The following LOXHD1 variants were observed in gnomAD, a reference collection of about 807,000 sequenced individuals.
LOXHD1 encodes the protein lipoxygenase homology PLAT domains 1.
A neutral mutation model predicts 248.2 loss-of-function variants in LOXHD1; 205 were observed. That is an observed-to-expected ratio of 0.83 (90% confidence interval 0.74 to 0.93). LOXHD1 has a LOEUF of 0.93. LOXHD1 is among the 40% of genes least tolerant of loss of function. The pLI, the probability that LOXHD1 is intolerant of heterozygous loss-of-function variation, is 0.00. For synonymous variants in LOXHD1, 1,113 were observed against 1,162.8 expected, an observed-to-expected ratio of 0.96 and a Z score of 0.87; for missense variants, 2,930 against 2,971.6, an observed-to-expected ratio of 0.99 and a Z score of 0.33.
At chr18:46,656,246 G>T (rs1399996936) in intron 1 of LOXHD1, among the ~76,000 whole-genome samples, 1 of 152,098 alleles carries the variant, frequency 6.6e-6, no homozygotes, top group East Asian at 1.9e-4. Context: ...ATTTCAAAAC[G>T]CTGGAAAGGA....
intron 38 of LOXHD1, among the ~76,000 whole-genome samples, chr18:46,486,219 C>A (rs1180204868): frequency 1.3e-5 from 2 of 152,106 alleles, no homozygotes; most frequent in Non-Finnish European, 2.9e-5. Context: ...CAGACATAGA[C>A]CCCTTGCTGC....
At chr18:46,646,213 G>A (rs2039027893) in intron 2 of LOXHD1, among the ~76,000 whole-genome samples, 1 of 152,148 alleles carries the variant, frequency 6.6e-6, no homozygotes, top group African/African-American at 2.4e-5. Context: ...GGAGACTGTG[G>A]GACCAGTGGA....
intron 32 of LOXHD1, 129 bp from the exon 33 acceptor site, chr18:46,521,411 G>A: frequency 9.9e-7 from 1 of 1,012,984 alleles, no homozygotes; most frequent in Non-Finnish European, 1.5e-6. Flanking sequence ...TCCCTCCCAT[G>A]AAGGTGAAGA....
chr18:46,564,113 TGTGTGC>T (rs1311146069), intron 17 of LOXHD1, among the ~76,000 whole-genome samples: 3 of 151,468 alleles, frequency 2.0e-5, no homozygotes, highest in Non-Finnish European at 4.4e-5. Context: ...TGTGTGTGTG[TGTGTGC>T]ACGCACACAC....
intron 20 of LOXHD1, chr18:46,557,803 G>T: frequency 8.2e-7 from 1 of 1,220,744 alleles, no homozygotes; most frequent in Non-Finnish European, 1.1e-6. Context: ...CATCTGTGGT[G>T]GGTGTTTTGT....
intron 2 of LOXHD1, 103 bp downstream of exon 2, chr18:46,649,052 C>T: frequency 1.1e-6 from 1 of 903,460 alleles, no homozygotes. Flanking sequence ...AACCTGTGGT[C>T]AGATGTGCCT....
intron 19 of LOXHD1, 45 bp from the exon 20 acceptor site, chr18:46,559,647 G>A: frequency 6.5e-7 from 1 of 1,542,368 alleles, no homozygotes; most frequent in Non-Finnish European, 8.8e-7. Context: ...CATGGCCATG[G>A]GGTGTTTGGA....
intron 4 of LOXHD1, among the ~76,000 whole-genome samples, chr18:46,625,272 C>T (rs779242572): frequency 9.8e-5 from 15 of 152,326 alleles, no homozygotes; most frequent in Middle Eastern, 6.8e-3. Flanking sequence ...TAGCAACTAA[C>T]GTGCTCAAAC....
chr18:46,642,722 G>A (rs1331716628), intron 2 of LOXHD1, among the ~76,000 whole-genome samples: 2 of 152,228 alleles, frequency 1.3e-5, no homozygotes, highest in Non-Finnish European at 2.9e-5. Context: ...AGTGAGCATA[G>A]ACACAGGAGG....
intron 4 of LOXHD1, among the ~76,000 whole-genome samples, chr18:46,620,429 A>C (rs1002457494): frequency 6.6e-6 from 1 of 152,220 alleles, no homozygotes; most frequent in Non-Finnish European, 1.5e-5. Context: ...GAAACTGCAC[A>C]CAGTGAAGCA....
intron 5 of LOXHD1, among the ~76,000 whole-genome samples, chr18:46,615,997 G>A (rs2038581175): frequency 6.6e-6 from 1 of 152,062 alleles, no homozygotes; most frequent in African/African-American, 2.4e-5. Flanking sequence ...TATTAATATA[G>A]CTATGCCAGA....
At chr18:46,572,528 A>T (rs1302779581) in intron 14 of LOXHD1, among the ~76,000 whole-genome samples, 1 of 152,240 alleles carries the variant, frequency 6.6e-6, no homozygotes, top group African/African-American at 2.4e-5. Context: ...GATGGGATGC[A>T]GTGAACAACA....
At position 46,560,533 on chromosome 18, in the gene LOXHD1, C is replaced by G; in HGVS notation, c.2611G>C (p.Asp871His). The G allele has an allele frequency of 1.3e-6, 2 of 1,530,816 alleles. No homozygotes were observed. The highest frequency in any genetic ancestry group is 8.7e-7 in the Non-Finnish European group (1 of 1,142,932). 94.8% of individuals were successfully genotyped at this position (1,530,816 alleles called of 1,614,324 possible). ...CGGAGCTTATAGACCTCGCCCACGT[C>G]GGCCGCCTCAAGCTGTTCAAAGGGC... ...SKDTFQLEAA[D>H]VGEVYKLRLG... Residue 871 changes from aspartate (D) to histidine (H), a missense_variant, in exon 19 of 41, where the codon GAC (aspartate) becomes CAC (histidine). Asp to His is a moderately conservative substitution (Grantham distance 81, BLOSUM62 -1). Transcript: ENST00000642948.
chr18:46,610,471 G>C (rs929536138), intron 6 of LOXHD1, among the ~76,000 whole-genome samples: 1 of 152,064 alleles, frequency 6.6e-6, no homozygotes, highest in Non-Finnish European at 1.5e-5. Flanking sequence ...GATGGGTGCA[G>C]CAAACCAACA....
At chr18:46,512,758 C>T (rs907398911) in intron 34 of LOXHD1, among the ~76,000 whole-genome samples, 1 of 152,178 alleles carries the variant, frequency 6.6e-6, no homozygotes, top group Admixed American at 6.5e-5. Context: ...AACATCTGAC[C>T]AATCTCAGTG....
In LOXHD1 at chr18:46,559,570, T is replaced by G; in HGVS notation, c.3094A>C (p.Asn1032His). ...NTYEVQVVTG[N>H]VPKAGTDANV... ...GCATCAGTGCCGGCCTTGGGCACAT[T>G]CCCCGTGACCACCTGAACCTCATAG... is the stretch of plus-strand genomic sequence containing the variant. The change falls in exon 20 of 41, where the codon AAT (asparagine) becomes CAT (histidine). Residue 1032 changes from asparagine (N) to histidine (H), a missense_variant. Transcript: ENST00000642948. 1 of 1,551,804 alleles carries G rather than the reference T, an allele frequency of 6.4e-7. No homozygotes were observed. Among genetic ancestry groups the G allele is most frequent in the South Asian group, 1.2e-5 (1 of 84,062 alleles).
At chr18:46,627,872 A>T (rs1465311477) in intron 4 of LOXHD1, among the ~76,000 whole-genome samples, 3 of 152,012 alleles carry the variant, frequency 2.0e-5, no homozygotes, top group Non-Finnish European at 4.4e-5. Flanking sequence ...GCCATACCCC[A>T]CTTAGAATAT....
chr18:46,542,777 G>T lies in LOXHD1; in HGVS notation c.3698C>A (p.Thr1233Lys). ...TTTCCACAGGTCTCCCAGATCCAGC[G>T]TCTCCACCGTGAAGATTTCAATGCT... ...RDSIEIFTVE[T>K]LDLGDLWKVR... Residue 1233 changes from threonine to lysine, a missense_variant, in exon 24 of 41, where the codon ACG becomes AAG. Thr to Lys is a moderately conservative substitution (Grantham distance 78). Transcript: ENST00000642948. The T allele has an allele frequency of 1.3e-6, 2 of 1,551,644 alleles. No individual in the cohort carries two copies. Among genetic ancestry groups the T allele is most frequent in the Non-Finnish European group, 1.7e-6 (2 of 1,146,994 alleles).
rs981356695 is a variant in LOXHD1, at chr18:46,524,825, G to A, written c.4623C>T (p.Tyr1541=). Residue 1541 remains tyrosine, a synonymous_variant, in exon 30 of 41, where the codon TAC becomes TAT. Coordinates refer to ENST00000642948, the MANE Select transcript of LOXHD1 (RefSeq NM_001384474.1). The part of the protein sequence containing the change: ...HDNSKWCADW[Y]VEKVEIWNDT... ...CATTCCAGATCTCCACCTTCTCCAC[G>A]TACCAGTCTGCGCACCACTTGGAGT... 21 of 1,551,652 alleles carry A rather than the reference G, an allele frequency of 1.4e-5. No individual in the cohort carries two copies. The Admixed American group carries it at 1.8e-4, about 13-fold the overall frequency.
Sources: gnomAD v4.1 joint callset for allele counts (sites outside exome capture counted in the v4.1 genomes callset) on GRCh38, gnomAD v4.1.1 for gene constraint, MANE v1.5 for transcripts, NCBI Gene and HGNC (gene_info 2026-07-23, HGNC 2026-07-21) for gene names.